KIAA0825: variants seen among roughly 807,000 people sequenced by gnomAD.
KIAA0825 encodes the protein KIAA0825.
Under a neutral mutation model 147.6 loss-of-function variants are expected in KIAA0825, and 119 were observed. The observed-to-expected ratio is 0.81, with a 90% CI of 0.69 to 0.94. KIAA0825 has a LOEUF of 0.94. Among genes scored for constraint, KIAA0825 ranks in the 40% least tolerant of loss-of-function variants. KIAA0825 has a pLI of 0.00. For synonymous variants in KIAA0825, 470 were observed against 518.1 expected, an observed-to-expected ratio of 0.91 and a Z score of 1.26; for missense variants, 1,381 against 1,472.7, an observed-to-expected ratio of 0.94 and a Z score of 1.02.
At chr5:94,529,455 G>GTA (rs59043433) in intron 3 of KIAA0825, among the ~76,000 whole-genome samples, 25,870 of 146,638 alleles carry the variant, frequency 0.18, 3,675 homozygotes, top group African/African-American at 0.39. Flanking sequence ...TATATGTAGT[G>GTA]TATATATATA....
chr5:94,507,438 C>T (rs1339294955), intron 5 of KIAA0825, among the ~76,000 whole-genome samples: 1 of 151,918 alleles, frequency 6.6e-6, no homozygotes, highest in Non-Finnish European at 1.5e-5. Flanking sequence ...GGCGACAGAG[C>T]AAGACACCGT....
At chr5:94,490,505 C>T (rs1243119073) in intron 5 of KIAA0825, among the ~76,000 whole-genome samples, 2 of 151,824 alleles carry the variant, frequency 1.3e-5, no homozygotes, top group Non-Finnish European at 2.9e-5. Flanking sequence ...GAATGATGGG[C>T]TGGGAACTTG....
intron 20 of KIAA0825, among the ~76,000 whole-genome samples, chr5:94,299,052 C>T (rs1488483001): frequency 3.9e-5 from 6 of 151,982 alleles, no homozygotes; most frequent in Non-Finnish European, 5.9e-5. Flanking sequence ...TGCACATCAC[C>T]AACAAAGCAA....
At chr5:94,329,401 T>C (rs1206622844) in intron 20 of KIAA0825, among the ~76,000 whole-genome samples, 2 of 152,108 alleles carry the variant, frequency 1.3e-5, no homozygotes, top group Non-Finnish European at 2.9e-5. Flanking sequence ...TAGCATTTCC[T>C]TGGGAAAATT....
rs1429530798 is a variant in KIAA0825 at position 94,453,016 on chromosome 5, A to C, written c.2300T>G (p.Phe767Cys). The change falls in exon 13 of 21, where the codon TTT (phenylalanine) becomes TGT (cysteine). Residue 767 changes from phenylalanine (F) to cysteine (C), a missense_variant. Physicochemically the swap from Phe to Cys is radical, Grantham distance 205. Transcript: ENST00000682413. The part of the protein sequence containing the change: ...ESASDSLKSF[F>C]KQPLYWVSCI... ...AGAAACCCAATATAATGGTTGCTTA[A>C]AAAATGATTTTAAGGAATCTGAAGC... is the stretch of plus-strand genomic sequence containing the variant. 1 of 1,531,444 alleles carries C rather than the reference A, an allele frequency of 6.5e-7. No homozygotes were observed. Among genetic ancestry groups the C allele is most frequent in the Non-Finnish European group, 8.8e-7 (1 of 1,139,534 alleles). The allele number at this position is 1,531,444 out of a possible 1,614,324, so 94.9% of individuals were successfully genotyped here.
In KIAA0825 at chr5:94,203,223, G is replaced by A. The variant is rs148754442; in HGVS notation, c.3711-49099C>T. On this transcript the variant is annotated intron_variant, in intron 20 of 20. Coordinates refer to ENST00000682413, the MANE Select transcript of KIAA0825 (RefSeq NM_001145678.3). The stretch of plus-strand genomic sequence containing the variant: ...CTCCCAGTGATTAATTAGAAAGCCT[G>A]TCTTACAGATTTTTCTCTCAGGTGT... Among the ~76,000 whole-genome samples the A allele has an allele frequency of 5.2e-3, 787 of 152,298 alleles. 10 individuals are homozygous for A. Among genetic ancestry groups the A allele is most frequent in the African/African-American group, 0.018 (753 of 41,560 alleles).
At chr5:94,196,776 A>C (rs931050814) in intron 20 of KIAA0825, among the ~76,000 whole-genome samples, 2 of 152,172 alleles carry the variant, frequency 1.3e-5, no homozygotes, top group African/African-American at 4.8e-5. Flanking sequence ...AGCTCCATCC[A>C]TGTTGCTGCA....
intron 10 of KIAA0825, among the ~76,000 whole-genome samples, chr5:94,467,346 C>T (rs1760675359): frequency 6.6e-6 from 1 of 152,102 alleles, no homozygotes; most frequent in African/African-American, 2.4e-5. Flanking sequence ...TTTTTGCAAA[C>T]CCACTATGAT....
intron 20 of KIAA0825, among the ~76,000 whole-genome samples, chr5:94,289,371 A>G (rs1777788281): frequency 6.6e-6 from 1 of 151,932 alleles, no homozygotes; most frequent in African/African-American, 2.4e-5. Context: ...CCCTGTCTCT[A>G]TAAAAATACA....
intron 20 of KIAA0825, among the ~76,000 whole-genome samples, chr5:94,375,410 C>G (rs1256847356): frequency 6.6e-6 from 1 of 152,090 alleles, no homozygotes; most frequent in Non-Finnish European, 1.5e-5. Context: ...TCCTCAATCT[C>G]TAGCCATAAT....
At chr5:94,339,668 C>T (rs1169142392) in intron 20 of KIAA0825, among the ~76,000 whole-genome samples, 1 of 152,114 alleles carries the variant, frequency 6.6e-6, no homozygotes, top group Non-Finnish European at 1.5e-5. Context: ...TGGAACTACT[C>T]GTAATTGCAT....
chr5:94,390,746 G>A (rs991442206), intron 18 of KIAA0825, among the ~76,000 whole-genome samples: 1 of 152,076 alleles, frequency 6.6e-6, no homozygotes, highest in Non-Finnish European at 1.5e-5. Context: ...TTTATTCCCT[G>A]AAAATGTATG....
intron 1 of KIAA0825, among the ~76,000 whole-genome samples, chr5:94,597,132 G>C (rs1008121981): frequency 1.3e-5 from 2 of 152,086 alleles, no homozygotes; most frequent in African/African-American, 4.8e-5. Context: ...AGAGTGGTTA[G>C]AGATGGCATC....
At chr5:94,600,553 C>T (rs112508927) in intron 1 of KIAA0825, among the ~76,000 whole-genome samples, 31 of 152,132 alleles carry the variant, frequency 2.0e-4, no homozygotes, top group African/African-American at 6.3e-4. Flanking sequence ...ATGTCTCTTT[C>T]TTTCTCCAAT....
intron 12 of KIAA0825, among the ~76,000 whole-genome samples, chr5:94,460,845 T>A (rs1216467807): frequency 6.6e-6 from 1 of 152,032 alleles, no homozygotes; most frequent in Non-Finnish European, 1.5e-5. Flanking sequence ...TAAGTAAACA[T>A]AAATGGATAA....
chr5:94,285,114 G>A (rs887763792), intron 20 of KIAA0825, among the ~76,000 whole-genome samples: 3 of 152,068 alleles, frequency 2.0e-5, no homozygotes, highest in Non-Finnish European at 4.4e-5. Context: ...ATTCAAAGCT[G>A]TATGTGTAAT....
chr5:94,162,971 A>G (rs911437143), intron 20 of KIAA0825, among the ~76,000 whole-genome samples: 2 of 152,172 alleles, frequency 1.3e-5, no homozygotes, highest in African/African-American at 4.8e-5. Context: ...TTATTTGTCA[A>G]TTTTATGAAT....
At chr5:94,425,276 AT>A (rs760689598) in intron 14 of KIAA0825, among the ~76,000 whole-genome samples, 15 of 152,224 alleles carry the variant, frequency 9.9e-5, no homozygotes, top group Non-Finnish European at 1.9e-4. Flanking sequence ...ATCAAAAAAA[AT>A]AATACACCTT....
intron 20 of KIAA0825, among the ~76,000 whole-genome samples, chr5:94,334,639 T>C (rs1457716630): frequency 2.0e-5 from 3 of 152,124 alleles, no homozygotes; most frequent in African/African-American, 7.2e-5. Context: ...TGGGCCACCA[T>C]GCCCAGCTAA....
Sources: allele counts gnomAD v4.1 joint callset (sites outside exome capture counted in the v4.1 genomes callset), GRCh38; gene constraint gnomAD v4.1.1; transcripts MANE v1.5; gene names NCBI Gene and HGNC (gene_info 2026-07-23, HGNC 2026-07-21).